Variants in MAGI2 observed in about 807,000 individuals in gnomAD.
MAGI2 encodes membrane associated guanylate kinase, WW and PDZ domain containing 2, also known as membrane-associated guanylate kinase, WW and PDZ domain-containing protein 2.
A neutral mutation model predicts 133.3 loss-of-function variants in MAGI2; 35 were observed. The ratio of observed to expected loss-of-function variants is 0.26; its 90% CI spans 0.20 to 0.35. MAGI2 has a LOEUF of 0.35. Among genes scored for constraint, MAGI2 ranks in the 10% least tolerant of loss-of-function variants. MAGI2 has a pLI of 1.00. For missense variants in MAGI2, 1,636 were observed against 1,863.4 expected, an observed-to-expected ratio of 0.88 and a Z score of 2.25; for synonymous variants, 729 against 710.6, an observed-to-expected ratio of 1.03 and a Z score of -0.41.
In MAGI2 at chr7:78,420,182, A is replaced by C. The variant is rs573196683; in HGVS notation, c.1046-50969T>G. Among the ~76,000 whole-genome samples the C allele has an allele frequency of 7.9e-5, 12 of 152,270 alleles. 1 individual carries two copies. In the South Asian group the frequency reaches 2.5e-3, roughly 32 times the overall value. On this transcript the variant is annotated intron_variant, in intron 6 of 21. Coordinates refer to ENST00000354212, the MANE Select transcript of MAGI2 (RefSeq NM_012301.4). ...CATTTGCCTTTTTATTGCTACCAGAACAACAGCAACTAGAATCACTAAATC... is the reference window on the plus strand; with the variant it reads ...CATTTGCCTTTTTATTGCTACCAGACCAACAGCAACTAGAATCACTAAATC...
intron 1 of MAGI2, among the ~76,000 whole-genome samples, chr7:79,285,493 A>C (rs1835934777): frequency 6.6e-6 from 1 of 152,152 alleles, no homozygotes; most frequent in Non-Finnish European, 1.5e-5. Context: ...GATTTAAAAC[A>C]GCCTTCAAAC....
intron 10 of MAGI2, among the ~76,000 whole-genome samples, chr7:78,213,090 C>T (rs537575382): frequency 6.6e-6 from 1 of 152,334 alleles, no homozygotes; most frequent in East Asian, 1.9e-4. Context: ...ACTTTAAAAT[C>T]CTTTCTAGTG....
chr7:79,188,485 CATGGTGT>C (rs1368796148), intron 1 of MAGI2, among the ~76,000 whole-genome samples: 5 of 151,794 alleles, frequency 3.3e-5, no homozygotes, highest in Non-Finnish European at 5.9e-5. Context: ...CATAGTATTC[CATGGTGT>C]ATATGTACCA....
chr7:78,156,115 T>C (rs1255895424), intron 16 of MAGI2, among the ~76,000 whole-genome samples: 2 of 152,154 alleles, frequency 1.3e-5, no homozygotes, highest in Admixed American at 6.5e-5. Flanking sequence ...TTTCCATTAC[T>C]TTTATAGCTT....
At chr7:79,137,731 G>C (rs1260481891) in intron 1 of MAGI2, among the ~76,000 whole-genome samples, 1 of 151,932 alleles carries the variant, frequency 6.6e-6, no homozygotes, top group Non-Finnish European at 1.5e-5. Flanking sequence ...CCAAAGTGCT[G>C]GGATTACGGG....
Position 79,048,036 on chromosome 7 carries a change from A to C in MAGI2, c.302-40830T>G, listed in dbSNP as rs541144444. 4.6e-5 allele frequency among the ~76,000 whole-genome samples: 7 copies of C among 152,356 alleles called. No individual in the cohort carries two copies. In the South Asian group the frequency reaches 1.4e-3, roughly 32 times the overall value. On this transcript the variant is annotated intron_variant, in intron 1 of 21. Coordinates refer to ENST00000354212, the MANE Select transcript of MAGI2 (RefSeq NM_012301.4). ...CAAGCATGAAGGTGAAACACTGTCA[A>C]AGCATGGGGCTTTGCTTGGCATGTC...
intron 1 of MAGI2, among the ~76,000 whole-genome samples, chr7:79,308,935 A>G (rs1212536825): frequency 1.3e-5 from 2 of 152,154 alleles, no homozygotes; most frequent in Admixed American, 1.3e-4. Flanking sequence ...AATTAATTCA[A>G]AGTTGAACAT....
At chr7:79,215,711 G>A (rs1411592774) in intron 1 of MAGI2, among the ~76,000 whole-genome samples, 1 of 151,836 alleles carries the variant, frequency 6.6e-6, no homozygotes, top group African/African-American at 2.4e-5. Context: ...TACATGTATT[G>A]TTTGATGACT....
At chr7:79,393,309 C>A (rs1844803357) in intron 1 of MAGI2, among the ~76,000 whole-genome samples, 1 of 151,998 alleles carries the variant, frequency 6.6e-6, no homozygotes, top group South Asian at 2.1e-4. Context: ...TAAATATGCA[C>A]CCAAAATTTA....
At chr7:78,629,668 T>C (rs943183079) in intron 2 of MAGI2, among the ~76,000 whole-genome samples, 2 of 152,204 alleles carry the variant, frequency 1.3e-5, no homozygotes, top group African/African-American at 4.8e-5. Context: ...TTCAGATTAC[T>C]TAATGTCAGT....
intron 16 of MAGI2, among the ~76,000 whole-genome samples, chr7:78,156,904 A>G (rs1408390468): frequency 6.6e-6 from 1 of 152,166 alleles, no homozygotes; most frequent in Non-Finnish European, 1.5e-5. Flanking sequence ...GGGCTCGGGT[A>G]AGACCTGAAG....
At chr7:78,269,613 C>A (rs1442188234) in intron 9 of MAGI2, among the ~76,000 whole-genome samples, 3 of 152,098 alleles carry the variant, frequency 2.0e-5, no homozygotes, top group Non-Finnish European at 2.9e-5. Flanking sequence ...ATCCTTCGCC[C>A]ACTTTTTGAT....
chr7:79,158,896 A>G (rs987651059), intron 1 of MAGI2, among the ~76,000 whole-genome samples: 1 of 152,028 alleles, frequency 6.6e-6, no homozygotes, highest in African/African-American at 2.4e-5. Flanking sequence ...TTTAAAAGTT[A>G]TAGGAAAATA....
chr7:79,009,242 A>G (rs569378918), intron 1 of MAGI2: 1 of 152,190 alleles, frequency 6.6e-6, no homozygotes, highest in East Asian at 1.9e-4. Flanking sequence ...TTTACTACAG[A>G]TATACTGAAT....
chr7:78,758,434 C>G, intron 2 of MAGI2, among the ~76,000 whole-genome samples: 1 of 152,140 alleles, frequency 6.6e-6, no homozygotes, highest in Non-Finnish European at 1.5e-5. Context: ...GAATTGAGTG[C>G]ACTTATGATT....
chr7:78,995,190 A>C (rs972204114), intron 2 of MAGI2, among the ~76,000 whole-genome samples: 5 of 152,110 alleles, frequency 3.3e-5, no homozygotes, highest in African/African-American at 1.2e-4. Flanking sequence ...ATCACAAAAA[A>C]ATCTCATAAC....
chr7:79,158,605 G>A lies in MAGI2; in HGVS notation c.302-151399C>T, dbSNP rs115918998. 3.6e-3 allele frequency among the ~76,000 whole-genome samples: 546 copies of A among 152,136 alleles called. 3 individuals carry two copies. Among genetic ancestry groups the A allele is most frequent in the African/African-American group, 0.013 (522 of 41,552 alleles). Reference sequence around the variant, plus strand: ...AACAGAATAATCTTAGCTTTCGTATGCTTATGAAATATTGTTGGCTTAATG... The same window carrying A: ...AACAGAATAATCTTAGCTTTCGTATACTTATGAAATATTGTTGGCTTAATG... On this transcript the variant is annotated intron_variant, in intron 1 of 21. Transcript: ENST00000354212.
chr7:78,762,577 T>C (rs1158805820), intron 2 of MAGI2, among the ~76,000 whole-genome samples: 1 of 152,184 alleles, frequency 6.6e-6, no homozygotes, highest in Non-Finnish European at 1.5e-5. Context: ...AAGAAGAGGA[T>C]CATCTCAAAT....
rs938979384 is a variant in MAGI2 at position 79,419,398 on chromosome 7, A to G, written c.301+33622T>C. Among the ~76,000 whole-genome samples, 22 of 152,190 alleles carry G rather than the reference A, an allele frequency of 1.4e-4. No individual in the cohort carries two copies. The East Asian group carries it at 3.7e-3, about 25-fold the overall frequency. The stretch of plus-strand genomic sequence containing the variant: ...GAAAAGGTCGATTACAAAATGAAAG[A>G]CAGTAAGAAAAAGGAAAATGTGAGA... On this transcript the variant is annotated intron_variant, in intron 1 of 21. Transcript: ENST00000354212.
Sources: allele counts gnomAD v4.1 joint callset (sites outside exome capture counted in the v4.1 genomes callset), GRCh38; gene constraint gnomAD v4.1.1; transcripts MANE v1.5; gene names NCBI Gene and HGNC (gene_info 2026-07-23, HGNC 2026-07-21).